The following C2CD3 variants were observed in gnomAD, a reference collection of about 807,000 sequenced individuals.
C2CD3 encodes the protein C2 domain containing 3 centriole elongation regulator.
C2CD3 carries 148 observed loss-of-function variants against 234.0 expected under a neutral mutation model. The observed-to-expected ratio is 0.63, with a 90% CI of 0.55 to 0.72. C2CD3 has a LOEUF of 0.72. C2CD3 is among the 30% of genes least tolerant of loss of function. The pLI is 0.00. For missense variants in C2CD3, 2,577 were observed against 2,811.5 expected, an observed-to-expected ratio of 0.92 and a Z score of 1.89; for synonymous variants, 1,000 against 1,035.4, an observed-to-expected ratio of 0.97 and a Z score of 0.66.
rs1957722095 is a variant in C2CD3, at chr11:74,132,882, T to A, written c.1179A>T (p.Thr393=). The A allele has an allele frequency of 6.2e-6, 10 of 1,614,000 alleles. No homozygotes were observed. Among genetic ancestry groups the A allele is most frequent in the Non-Finnish European group, 8.5e-6 (10 of 1,179,912 alleles). The change falls in exon 7 of 33, where the codon ACA becomes ACT. Residue 393 remains threonine, a synonymous_variant. Transcript: ENST00000334126. ...STENTFWRHD[T]KADTRAIQLL... ...GCTGTATAGCTCTGGTATCAGCTTT[T>A]GTGTCATGTCTCCAAAATGTATTCT...
chr11:74,154,947 G>A (rs989786487), intron 3 of C2CD3, among the ~76,000 whole-genome samples: 1 of 152,198 alleles, frequency 6.6e-6, no homozygotes, highest in Non-Finnish European at 1.5e-5. Flanking sequence ...AGCAAGAGCT[G>A]GTGAAGCATA....
intron 11 of C2CD3, among the ~76,000 whole-genome samples, chr11:74,111,887 T>C (rs974780949): frequency 3.4e-5 from 5 of 145,750 alleles, no homozygotes; most frequent in South Asian, 2.1e-4. Context: ...AGCCAAAAGA[T>C]TGGACACCCC....
rs749317455 is a variant in C2CD3 at position 74,092,616 on chromosome 11, A to G, written c.3345-28T>C. 12 of 1,588,118 alleles carry G rather than the reference A, an allele frequency of 7.6e-6. No individual in the cohort carries two copies. The South Asian group carries it at 1.1e-4, about 15-fold the overall frequency. ...GTAAACCACAAAAGCACACGTTGTC[A>G]GAAGAATTAGGTGATAAATGATTCA... On this transcript the variant is annotated intron_variant, in intron 18 of 32. Transcript: ENST00000334126.
chr11:74,061,273 G>T (rs1022927581), intron 24 of C2CD3, among the ~76,000 whole-genome samples: 2 of 152,146 alleles, frequency 1.3e-5, no homozygotes, highest in African/African-American at 2.4e-5. Context: ...GAAATACAGA[G>T]AATGCCACAA....
intron 8 of C2CD3, among the ~76,000 whole-genome samples, chr11:74,118,928 G>A (rs1341863589): frequency 5.5e-5 from 7 of 128,358 alleles, no homozygotes; most frequent in African/African-American, 2.2e-4. Context: ...TTTTTTTTGA[G>A]ACAGGGTCTC....
chr11:74,115,582 T>C (rs1266275546), intron 9 of C2CD3, among the ~76,000 whole-genome samples: 1 of 151,974 alleles, frequency 6.6e-6, no homozygotes, highest in Non-Finnish European at 1.5e-5. Flanking sequence ...GCAATTCCCA[T>C]CAAAATACCC....
chr11:74,098,621 G>T (rs1211357235), intron 15 of C2CD3, among the ~76,000 whole-genome samples: 1 of 152,176 alleles, frequency 6.6e-6, no homozygotes, highest in African/African-American at 2.4e-5. Context: ...TGACAGATAA[G>T]ATTTGGAAAA....
At chr11:74,016,215 A>G (rs976199357) in intron 32 of C2CD3, among the ~76,000 whole-genome samples, 2 of 152,210 alleles carry the variant, frequency 1.3e-5, no homozygotes, top group African/African-American at 4.8e-5. Context: ...AAGACAGACA[A>G]TGAGCTACCC....
chr11:74,077,215 C>T (rs1955075614), intron 23 of C2CD3, among the ~76,000 whole-genome samples: 1 of 151,980 alleles, frequency 6.6e-6, no homozygotes, highest in Non-Finnish European at 1.5e-5. Context: ...AACTAGCATT[C>T]TAGATGATCA....
At chr11:74,118,149 G>A (rs1343765775) in intron 9 of C2CD3, 79 bp downstream of exon 9, 9 of 1,093,476 alleles carry the variant, frequency 8.2e-6, no homozygotes, top group Non-Finnish European at 1.1e-5. Context: ...TGGGCAAATG[G>A]GTCATTTCAC....
chr11:74,028,535 C>T (rs1330120035), intron 31 of C2CD3, 137 bp from the exon 32 acceptor site: 3 of 633,334 alleles, frequency 4.7e-6, no homozygotes, highest in African/African-American at 1.8e-5. Context: ...ATTCTTTGCT[C>T]AGCTGGCTCC....
chr11:74,026,642 G>A (rs1952309377), intron 32 of C2CD3, among the ~76,000 whole-genome samples: 2 of 152,144 alleles, frequency 1.3e-5, no homozygotes, highest in Non-Finnish European at 2.9e-5. Context: ...ATTTTCAGGT[G>A]GTGTAATAGA....
At chr11:74,139,869 T>C in intron 3 of C2CD3, 41 bp from the exon 4 acceptor site, 2 of 1,192,382 alleles carry the variant, frequency 1.7e-6, no homozygotes, top group East Asian at 2.3e-5. Flanking sequence ...TTCTTTAGCA[T>C]TGATTAACTA....
chr11:74,106,276 A>T lies in C2CD3; in HGVS notation c.2085+95T>A, dbSNP rs1590817221. The T allele has an allele frequency of 3.3e-6, 4 of 1,202,012 alleles. No individual in the cohort carries two copies. In the Admixed American group the frequency reaches 8.6e-5, roughly 26 times the overall value. 74.5% of individuals were successfully genotyped at this position (1,202,012 alleles called of 1,614,324 possible). The stretch of plus-strand genomic sequence containing the variant: ...CAAGAGATGCTACACAAGATCAAAG[A>T]CCTTGCTTTTCTTGTTCACTGCTAT... On this transcript the variant is annotated intron_variant, in intron 13 of 32. Transcript: ENST00000334126.
Position 74,095,256 on chromosome 11 carries a change from C to T in C2CD3, c.3132G>A (p.Val1044=). 6.2e-7 allele frequency: 1 copy of T among 1,613,080 alleles called. No individual in the cohort carries two copies. Among genetic ancestry groups the T allele is most frequent in the Middle Eastern group, 1.7e-4 (1 of 6,056 alleles). Residue 1044 remains valine (V), a synonymous_variant, in exon 17 of 33, where the codon GTG becomes GTA. Transcript: ENST00000334126. ...YFPVQHSQSS[V]LKGPEFLENG... ...TTTCAAGGAACTCAGGTCCTTTCAG[C>T]ACACTGGATTGAGAGTGTTGAACTG...
intron 24 of C2CD3, among the ~76,000 whole-genome samples, chr11:74,064,083 T>C (rs1165419479): frequency 6.6e-6 from 1 of 151,646 alleles, no homozygotes; most frequent in Non-Finnish European, 1.5e-5. Context: ...GAGTGTGATG[T>C]TCCCCTTCCT....
intron 20 of C2CD3, among the ~76,000 whole-genome samples, chr11:74,086,380 G>C (rs1305814431): frequency 6.6e-6 from 1 of 152,214 alleles, no homozygotes; most frequent in Admixed American, 6.5e-5. Context: ...GGGAATACTA[G>C]AGTAAAGCTA....
At chr11:74,159,258 T>TA (rs1856270840) in intron 3 of C2CD3, among the ~76,000 whole-genome samples, 1 of 152,240 alleles carries the variant, frequency 6.6e-6, no homozygotes, top group African/African-American at 2.4e-5. Flanking sequence ...GTTACTGGTT[T>TA]ACAATTTACT....
At chr11:74,119,096 G>C (rs534522812) in intron 8 of C2CD3, among the ~76,000 whole-genome samples, 19 of 151,930 alleles carry the variant, frequency 1.3e-4, no homozygotes, top group Admixed American at 1.2e-3. Flanking sequence ...TTTTTGTAGA[G>C]AGGAAGTTTG....
Sources: allele counts gnomAD v4.1 joint callset (sites outside exome capture counted in the v4.1 genomes callset), GRCh38; gene constraint gnomAD v4.1.1; transcripts MANE v1.5; gene names NCBI Gene and HGNC (gene_info 2026-07-23, HGNC 2026-07-21).